Variants in BCKDHB observed in about 807,000 individuals in gnomAD.
BCKDHB encodes branched chain keto acid dehydrogenase E1 subunit beta.
A neutral mutation model predicts 48.5 loss-of-function variants in BCKDHB; 41 were observed. That is an observed-to-expected ratio of 0.85 (90% CI 0.66 to 1.10). The LOEUF (loss-of-function observed/expected upper bound fraction) is 1.10, where lower values mean the gene tolerates loss of function less well. Ranked by LOEUF, BCKDHB falls within the 50% of genes least tolerant of loss-of-function variation. The pLI is 0.00. For missense variants in BCKDHB, 496 were observed against 494.2 expected, an observed-to-expected ratio of 1.00 and a Z score of -0.03; for synonymous variants, 201 against 174.8, an observed-to-expected ratio of 1.15 and a Z score of -1.18.
At chr6:80,239,008 C>T (rs1776266952) in intron 8 of BCKDHB, among the ~76,000 whole-genome samples, 1 of 152,164 alleles carries the variant, frequency 6.6e-6, no homozygotes. Context: ...CATTGATAGA[C>T]ATTTGGGTTG....
At chr6:80,450,507 T>A in the BCKDHB span, among the ~76,000 whole-genome samples, 1 of 152,040 alleles carries the variant, frequency 6.6e-6, no homozygotes, top group Non-Finnish European at 1.5e-5. Flanking sequence ...GAATTTGCAT[T>A]TAAGGGCAAG....
At chr6:80,161,093 A>T (rs1264087364) in intron 3 of BCKDHB, among the ~76,000 whole-genome samples, 1 of 152,114 alleles carries the variant, frequency 6.6e-6, no homozygotes, top group Non-Finnish European at 1.5e-5. Flanking sequence ...CTAACCACTG[A>T]ATTAAACATT....
At chr6:80,451,825 T>A in the BCKDHB span, among the ~76,000 whole-genome samples, 1 of 152,144 alleles carries the variant, frequency 6.6e-6, no homozygotes, top group African/African-American at 2.4e-5. Context: ...CCTGGGCCAG[T>A]CTTTTCAAGG....
At chr6:80,108,411 G>T (rs1485060627) in intron 1 of BCKDHB, among the ~76,000 whole-genome samples, 1 of 149,686 alleles carries the variant, frequency 6.7e-6, no homozygotes, top group Non-Finnish European at 1.5e-5. Flanking sequence ...TTGAGAAATA[G>T]TCCAACTTTC....
At chr6:80,216,664 G>A (rs1186618827) in intron 8 of BCKDHB, among the ~76,000 whole-genome samples, 7 of 152,062 alleles carry the variant, frequency 4.6e-5, no homozygotes, top group Admixed American at 2.0e-4. Context: ...ATTTCATAAT[G>A]AAAAAAGATT....
At chr6:80,238,914 T>C (rs1165937346) in intron 8 of BCKDHB, among the ~76,000 whole-genome samples, 1 of 152,196 alleles carries the variant, frequency 6.6e-6, no homozygotes, top group Non-Finnish European at 1.5e-5. Context: ...TCCATGGCCC[T>C]GCAAAGGACA....
chr6:80,140,110 T>G (rs1225799030), intron 3 of BCKDHB, among the ~76,000 whole-genome samples: 24 of 152,054 alleles, frequency 1.6e-4, no homozygotes, highest in South Asian at 6.2e-4. Context: ...CTGTTTGTCT[T>G]TTATTGGTGT....
At chr6:80,267,645 C>G (rs1164000868) in intron 8 of BCKDHB, among the ~76,000 whole-genome samples, 2 of 152,062 alleles carry the variant, frequency 1.3e-5, no homozygotes, top group Non-Finnish European at 2.9e-5. Flanking sequence ...GATTAACTGA[C>G]AGGAACATGT....
At chr6:80,237,292 ACT>A (rs1776183906) in intron 8 of BCKDHB, among the ~76,000 whole-genome samples, 1 of 152,210 alleles carries the variant, frequency 6.6e-6, no homozygotes, top group South Asian at 2.1e-4. Context: ...CAGGGATGTC[ACT>A]GAGGATAATC....
At chr6:80,457,768 A>G in the BCKDHB span, among the ~76,000 whole-genome samples, 2,706 of 152,266 alleles carry the variant, frequency 0.018, 40 homozygotes, top group Middle Eastern at 0.031. Context: ...TGGCCCTCTT[A>G]TGGCTTCCTA....
At chr6:80,328,114 C>T (rs1284303141) in intron 9 of BCKDHB, among the ~76,000 whole-genome samples, 1 of 152,122 alleles carries the variant, frequency 6.6e-6, no homozygotes, top group Non-Finnish European at 1.5e-5. Context: ...GGACTAAGGA[C>T]TTTCAAGCCC....
At chr6:80,127,195 C>G (rs1317470968) in intron 1 of BCKDHB, 2 of 307,106 alleles carry the variant, frequency 6.5e-6, no homozygotes. Flanking sequence ...GGCTTAGGTT[C>G]CTAACACCTG....
At chr6:80,325,922 C>T (rs555476249) in intron 9 of BCKDHB, among the ~76,000 whole-genome samples, 1 of 152,062 alleles carries the variant, frequency 6.6e-6, no homozygotes, top group Non-Finnish European at 1.5e-5. Context: ...CTGTCGCAGC[C>T]AAGGGATACT....
intron 9 of BCKDHB, among the ~76,000 whole-genome samples, chr6:80,332,895 A>G (rs1360727292): frequency 2.7e-5 from 4 of 146,686 alleles, no homozygotes; most frequent in Non-Finnish European, 4.5e-5. Flanking sequence ...CCTTCCTCTT[A>G]CTTGCTCATC....
chr6:80,184,318 A>G (rs754734556), intron 6 of BCKDHB, among the ~76,000 whole-genome samples: 37 of 152,180 alleles, frequency 2.4e-4, no homozygotes, highest in Non-Finnish European at 4.9e-4. Flanking sequence ...CCTTTACCTT[A>G]AGTTTATGTG....
At chr6:80,266,138 T>C (rs1777504688) in intron 8 of BCKDHB, among the ~76,000 whole-genome samples, 1 of 152,122 alleles carries the variant, frequency 6.6e-6, no homozygotes, top group South Asian at 2.1e-4. Flanking sequence ...AACAGTTTTC[T>C]AAAATTCTAT....
intron 9 of BCKDHB, among the ~76,000 whole-genome samples, chr6:80,331,758 G>A (rs1394859895): frequency 6.6e-6 from 1 of 152,204 alleles, no homozygotes; most frequent in Non-Finnish European, 1.5e-5. Context: ...TATCAGTTTG[G>A]CACACAGCAT....
At chr6:80,167,856 TC>T in intron 4 of BCKDHB, 45 bp downstream of exon 4, 1 of 1,592,640 alleles carries the variant, frequency 6.3e-7, no homozygotes, top group Non-Finnish European at 8.6e-7. Flanking sequence ...ATTGAAATAT[TC>T]AAGTATTGCC....
chr6:80,295,894 A>G (rs1469726787), intron 9 of BCKDHB, among the ~76,000 whole-genome samples: 1 of 152,226 alleles, frequency 6.6e-6, no homozygotes, highest in African/African-American at 2.4e-5. Context: ...TGGAACCTAC[A>G]GTTCAAGATG....
Sources: gnomAD v4.1 joint callset for allele counts (sites outside exome capture counted in the v4.1 genomes callset) on GRCh38, gnomAD v4.1.1 for gene constraint, MANE v1.5 for transcripts, NCBI Gene and HGNC (gene_info 2026-07-23, HGNC 2026-07-21) for gene names.